Variants in DNAH6 observed in about 807,000 individuals in gnomAD.
DNAH6 encodes the protein dynein axonemal heavy chain 6, also known as axonemal beta dynein heavy chain 6.
In DNAH6, 340 loss-of-function variants were observed where a neutral mutation model predicts 491.4. The observed-to-expected ratio is 0.69, with a 90% CI of 0.63 to 0.76. The LOEUF is 0.76. Among genes scored for constraint, DNAH6 ranks in the 30% least tolerant of loss-of-function variants. DNAH6 has a pLI of 0.00. For missense variants in DNAH6, 4,443 were observed against 4,972.2 expected (o/e 0.89, Z 3.20); for synonymous variants, 1,603 against 1,686.1 (o/e 0.95, Z 1.21).
At chr2:84,478,223 A>T in the DNAH6 span, among the ~76,000 whole-genome samples, 1 of 152,234 alleles carries the variant, frequency 6.6e-6, no homozygotes, top group Non-Finnish European at 1.5e-5. Flanking sequence ...AAGATGAATC[A>T]GGAGGGCCAT....
At chr2:84,534,862 A>G (rs1178323351) in intron 4 of DNAH6, among the ~76,000 whole-genome samples, 2 of 152,034 alleles carry the variant, frequency 1.3e-5, no homozygotes, top group African/African-American at 2.4e-5. Flanking sequence ...ATGATTTTTT[A>G]GACACTGTTG....
At chr2:84,662,485 C>T (rs1691615393) in intron 37 of DNAH6, among the ~76,000 whole-genome samples, 2 of 152,196 alleles carry the variant, frequency 1.3e-5, no homozygotes. Flanking sequence ...GGTCCCACGC[C>T]CACAGATCCT....
At position 84,607,106 on chromosome 2, in the gene DNAH6, A is replaced by G; in HGVS notation, c.3294+11A>G. On this transcript the variant is annotated intron_variant, in intron 21 of 76. Transcript: ENST00000389394. ...TTTAATCAAACACTGGTGAGTAAGA[A>G]TAATTTTGATTCATACACTCAGAGA... 1 of 1,550,392 alleles carries G rather than the reference A, an allele frequency of 6.4e-7. No homozygotes were observed. The highest frequency in any genetic ancestry group is 1.4e-5 in the African/African-American group (1 of 73,168).
At chr2:84,580,937 A>C (rs1306120137) in intron 14 of DNAH6, among the ~76,000 whole-genome samples, 3 of 152,106 alleles carry the variant, frequency 2.0e-5, no homozygotes, top group Non-Finnish European at 4.4e-5. Context: ...TCCTCTCTGC[A>C]TCTCTCTGAG....
chr2:84,659,130 A>G lies in DNAH6; in HGVS notation c.6045A>G (p.Thr2015=), dbSNP rs371429757. 2.0e-6 allele frequency: 3 copies of G among 1,508,556 alleles called. No homozygotes were observed. Among genetic ancestry groups the G allele is most frequent in the East Asian group, 2.5e-5 (1 of 40,086 alleles). 93.4% of individuals were successfully genotyped at this position (1,508,556 alleles called of 1,614,324 possible). ...LTENYYDSFD[T]FIRTQFDDNP... is the part of the protein sequence containing the mutation. ...AAAACTACTATGATTCTTTTGATAC[A>G]TTTATTAGAACACAATTTGATGATA... is the stretch of plus-strand genomic sequence containing the variant. The change falls in exon 37 of 77, where the codon ACA becomes ACG. Residue 2015 remains threonine (T), a synonymous_variant. Coordinates refer to ENST00000389394, the MANE Select transcript of DNAH6 (RefSeq NM_001370.2).
At chr2:84,514,595 T>C (rs1227852203), upstream of DNAH6, among the ~76,000 whole-genome samples, 1 of 152,156 alleles carries the variant, frequency 6.6e-6, no homozygotes, top group Non-Finnish European at 1.5e-5. Flanking sequence ...TAGCAGTACT[T>C]AAGAAAATGA....
At chr2:84,808,131 A>ATATATGTG (rs369348036) in intron 71 of DNAH6, among the ~76,000 whole-genome samples, 78 of 141,258 alleles carry the variant, frequency 5.5e-4, no homozygotes, top group African/African-American at 1.8e-3. Context: ...GTGTATATAT[A>ATATATGTG]TGTGTGTGTG....
intron 40 of DNAH6, among the ~76,000 whole-genome samples, chr2:84,675,751 C>A (rs1693180704): frequency 1.3e-5 from 2 of 152,156 alleles, no homozygotes; most frequent in Admixed American, 1.3e-4. Flanking sequence ...CTCAACCTCC[C>A]AGGCTCAAGC....
At chr2:84,490,561 G>T in the DNAH6 span, among the ~76,000 whole-genome samples, 1 of 152,006 alleles carries the variant, frequency 6.6e-6, no homozygotes, top group African/African-American at 2.4e-5. Context: ...GTAGAATCAT[G>T]AATATATTAT....
intron 35 of DNAH6, among the ~76,000 whole-genome samples, chr2:84,655,876 A>C (rs1055136723): frequency 3.9e-5 from 6 of 152,136 alleles, no homozygotes; most frequent in African/African-American, 1.2e-4. Context: ...TGAAAAATGC[A>C]TAATGTCACG....
At chr2:84,673,062 GA>G (rs369043500) in intron 40 of DNAH6, among the ~76,000 whole-genome samples, 87 of 152,304 alleles carry the variant, frequency 5.7e-4, no homozygotes, top group African/African-American at 1.9e-3. Flanking sequence ...GGTGAGAGGG[GA>G]GAGACAGGAG....
At chr2:84,657,320 T>C (rs760290043) in intron 35 of DNAH6, among the ~76,000 whole-genome samples, 14 of 152,022 alleles carry the variant, frequency 9.2e-5, no homozygotes, top group South Asian at 2.1e-4. Context: ...TTTTTTGCCT[T>C]TCCATATAAA....
chr2:84,710,145 G>A (rs1053671876), intron 55 of DNAH6, 142 bp from the exon 56 acceptor site: 13 of 1,054,476 alleles, frequency 1.2e-5, no homozygotes, highest in East Asian at 8.2e-5. Context: ...CTTTATTGTC[G>A]GGGGACAGGG....
chr2:84,622,451 C>T (rs1388492752), intron 26 of DNAH6, among the ~76,000 whole-genome samples: 1 of 152,096 alleles, frequency 6.6e-6, no homozygotes, highest in Non-Finnish European at 1.5e-5. Context: ...GACAGGGTCT[C>T]ACTGTATTGC....
the DNAH6 span, among the ~76,000 whole-genome samples, chr2:84,493,696 A>G: frequency 7.2e-4 from 110 of 152,348 alleles, no homozygotes; most frequent in African/African-American, 2.5e-3. Flanking sequence ...GAAAGGCTCC[A>G]GAAGGAATCG....
intron 33 of DNAH6, among the ~76,000 whole-genome samples, chr2:84,645,112 T>C (rs976288338): frequency 2.2e-4 from 33 of 152,156 alleles, no homozygotes; most frequent in African/African-American, 5.5e-4. Context: ...CTGTTTTTTT[T>C]CGACTTTTTA....
chr2:84,476,603 C>T, the DNAH6 span, among the ~76,000 whole-genome samples: 3 of 152,142 alleles, frequency 2.0e-5, no homozygotes. Context: ...TCTGCCTCAT[C>T]ATCTGTTTGA....
rs976426483 is a variant in DNAH6 at position 84,584,281 on chromosome 2, T to G, written c.2481+31T>G. On this transcript the variant is annotated intron_variant, in intron 15 of 76. Coordinates refer to ENST00000389394, the MANE Select transcript of DNAH6 (RefSeq NM_001370.2). Reference sequence around the variant, plus strand: ...CTAAATCATTATTTTGTAAAAATAATCTATGCAAAGTTTTACTATTACATT... The same window carrying G: ...CTAAATCATTATTTTGTAAAAATAAGCTATGCAAAGTTTTACTATTACATT... The G allele has an allele frequency of 2.5e-6, 4 of 1,604,228 alleles. No homozygotes were observed. The Admixed American group carries it at 6.7e-5, about 27-fold the overall frequency.
chr2:84,557,035 A>T (rs994106614), intron 10 of DNAH6, among the ~76,000 whole-genome samples: 1 of 152,230 alleles, frequency 6.6e-6, no homozygotes, highest in African/African-American at 2.4e-5. Flanking sequence ...ATCTTTGTTT[A>T]CACGTCTATT....
Sources: gnomAD v4.1 joint callset for allele counts (sites outside exome capture counted in the v4.1 genomes callset) on GRCh38, gnomAD v4.1.1 for gene constraint, MANE v1.5 for transcripts, NCBI Gene and HGNC (gene_info 2026-07-23, HGNC 2026-07-21) for gene names.